Variants in ADAM9 observed in about 807,000 individuals in gnomAD.
ADAM9 encodes the protein disintegrin and metalloproteinase domain-containing protein 9.
In ADAM9, 54 loss-of-function variants were observed where a neutral mutation model predicts 108.1. The observed-to-expected ratio is 0.50, with a 90% confidence interval of 0.40 to 0.63. The LOEUF (loss-of-function observed/expected upper bound fraction) is 0.63, where lower values mean the gene tolerates loss of function less well. Ranked by LOEUF, ADAM9 falls within the 20% of genes least tolerant of loss-of-function variation. The pLI, the probability that ADAM9 is intolerant of heterozygous loss-of-function variation, is 0.00. For missense variants in ADAM9, 830 were observed against 997.7 expected, an observed-to-expected ratio of 0.83 and a Z score of 2.26; for synonymous variants, 316 against 336.0, an observed-to-expected ratio of 0.94 and a Z score of 0.65.
intron 11 of ADAM9, among the ~76,000 whole-genome samples, chr8:39,035,160 T>G (rs138431788): frequency 1.3e-5 from 2 of 152,348 alleles, no homozygotes; most frequent in African/African-American, 4.8e-5. Context: ...TTCTTCTGTG[T>G]AATTTCTTCT....
intron 11 of ADAM9, among the ~76,000 whole-genome samples, chr8:39,036,418 G>C (rs1353044503): frequency 1.3e-5 from 2 of 152,034 alleles, no homozygotes; most frequent in African/African-American, 4.8e-5. Context: ...GGTGAAAATT[G>C]TGTTCTGGGA....
chr8:39,037,762 A>G (rs1837332727), intron 11 of ADAM9, among the ~76,000 whole-genome samples: 1 of 152,228 alleles, frequency 6.6e-6, no homozygotes, highest in Admixed American at 6.5e-5. Context: ...TGCTTACCAC[A>G]TAAAGATCAA....
At chr8:39,101,035 T>C (rs1839679367) in intron 20 of ADAM9, among the ~76,000 whole-genome samples, 1 of 152,238 alleles carries the variant, frequency 6.6e-6, no homozygotes, top group African/African-American at 2.4e-5. Flanking sequence ...AGATACTGTA[T>C]AGGTTTGGCA....
Position 39,097,150 on chromosome 8 carries a change from T to TA in ADAM9, c.2299-4712dup, listed in dbSNP as rs1371961649. Among the ~76,000 whole-genome samples, 13 of 152,314 alleles carry TA rather than the reference T, an allele frequency of 8.5e-5. No individual in the cohort carries two copies. In the East Asian group the frequency reaches 1.2e-3, roughly 14 times the overall value. On this transcript the variant is annotated intron_variant, in intron 20 of 21. Coordinates refer to ENST00000487273, the MANE Select transcript of ADAM9 (RefSeq NM_003816.3). ...AGCCTTGTTTTGTACAAGGAGGACTTACGCTACTCAGCCTGGCTAGAGATT... is the reference window on the plus strand; with the variant it reads ...AGCCTTGTTTTGTACAAGGAGGACTTAACGCTACTCAGCCTGGCTAGAGATT...
intron 4 of ADAM9, chr8:39,015,375 A>G (rs1836493653): frequency 6.6e-6 from 1 of 152,186 alleles, no homozygotes; most frequent in Non-Finnish European, 1.5e-5. Flanking sequence ...CCAAAAATTG[A>G]TTTAATTATA....
chr8:39,078,610 C>T (rs780835173), intron 16 of ADAM9, among the ~76,000 whole-genome samples: 17 of 152,028 alleles, frequency 1.1e-4, no homozygotes, highest in Non-Finnish European at 1.5e-4. Flanking sequence ...GGTGAAACCT[C>T]GTCTCTACAG....
intron 14 of ADAM9, among the ~76,000 whole-genome samples, chr8:39,067,490 A>G (rs1283332488): frequency 6.6e-6 from 1 of 152,068 alleles, no homozygotes; most frequent in Non-Finnish European, 1.5e-5. Context: ...TTGGATTCCT[A>G]GGTATTTTAT....
At chr8:39,059,299 A>T (rs1380066028) in intron 14 of ADAM9, among the ~76,000 whole-genome samples, 1 of 152,216 alleles carries the variant, frequency 6.6e-6, no homozygotes, top group African/African-American at 2.4e-5. Context: ...TTCTTTCATC[A>T]TGGAAAGGGA....
intron 1 of ADAM9, 22 bp downstream of exon 1, chr8:38,997,182 C>G (rs1273214274): frequency 6.3e-7 from 1 of 1,590,988 alleles, no homozygotes; most frequent in African/African-American, 1.3e-5. Context: ...CGCCCCGGGT[C>G]GGTTGGGACG....
chr8:39,090,215 C>T, intron 19 of ADAM9, 27 bp downstream of exon 19: 3 of 1,559,620 alleles, frequency 1.9e-6, no homozygotes, highest in Non-Finnish European at 1.8e-6. Flanking sequence ...CTTTTAATTC[C>T]TATATTAAAT....
intron 7 of ADAM9, among the ~76,000 whole-genome samples, chr8:39,019,476 A>AT (rs1836662899): frequency 6.6e-6 from 1 of 152,218 alleles, no homozygotes; most frequent in Non-Finnish European, 1.5e-5. Context: ...ATGTGTCCCT[A>AT]TTTTGGCATT....
intron 3 of ADAM9, among the ~76,000 whole-genome samples, chr8:39,013,399 A>C (rs772849946): frequency 1.3e-5 from 2 of 151,676 alleles, no homozygotes; most frequent in Non-Finnish European, 2.9e-5. Context: ...TGGAACTAGC[A>C]TTTTAAGACC....
Position 39,042,042 on chromosome 8 carries a change from T to TG in ADAM9, c.1228dup (p.Glu410GlyfsTer4), listed in dbSNP as rs1165951697. The stretch of plus-strand genomic sequence containing the variant: ...GCCTTCTTAATATTCCAAAGCCTGA[T>TG]GAAGCCTATAGTGCTCCCTCCTGTG... On this transcript the variant is annotated frameshift_variant, in exon 12 of 22. Transcript: ENST00000487273. LOFTEE classifies it high-confidence loss of function. 6.2e-7 allele frequency: 1 copy of TG among 1,614,050 alleles called. No individual in the cohort carries two copies. Among genetic ancestry groups the TG allele is most frequent in the Non-Finnish European group, 8.5e-7 (1 of 1,179,976 alleles).
intron 8 of ADAM9, among the ~76,000 whole-genome samples, chr8:39,022,097 T>TGTGTGTGAGA (rs1356591377): frequency 3.4e-4 from 47 of 136,274 alleles, no homozygotes; most frequent in African/African-American, 1.4e-3. Flanking sequence ...TGTGTGTGTG[T>TGTGTGTGAGA]GAGAGAGAGA....
chr8:39,040,020 ACT>A (rs1564287389), intron 11 of ADAM9, among the ~76,000 whole-genome samples: 1 of 151,390 alleles, frequency 6.6e-6, no homozygotes. Context: ...TTTTTTCTAT[ACT>A]CTCACTAGCA....
chr8:39,031,079 T>C (rs1837081205), intron 11 of ADAM9, among the ~76,000 whole-genome samples: 1 of 152,222 alleles, frequency 6.6e-6, no homozygotes, highest in African/African-American at 2.4e-5. Flanking sequence ...ACATTTAATA[T>C]TTTAATTCTT....
chr8:39,038,960 G>GA (rs575290406), intron 11 of ADAM9, among the ~76,000 whole-genome samples: 1 of 150,832 alleles, frequency 6.6e-6, no homozygotes, highest in Non-Finnish European at 1.5e-5. Flanking sequence ...TACTTTTTTT[G>GA]TTTTTTTTGG....
chr8:39,077,403 G>A lies in ADAM9; in HGVS notation c.1873G>A (p.Ala625Thr). Residue 625 changes from alanine to threonine, a missense_variant, in exon 16 of 22, where the codon GCT (alanine) becomes ACT (threonine). Physicochemically the swap from Ala to Thr is moderately conservative, Grantham distance 58 (BLOSUM62 0). Around this residue, in one of 3 missense-constraint regions of ADAM9, gnomAD observed 238 missense variants for 235.7 expected, o/e 1.01. Coordinates refer to ENST00000487273, the MANE Select transcript of ADAM9 (RefSeq NM_003816.3). The part of the protein sequence containing the change: ...GMVNEGTKCG[A>T]GKICRNFQCV... Reference sequence around the variant, plus strand: ...GGTTAACGAAGGCACAAAATGTGGTGCTGGAAAGGTAATCAAAATATTTTT... The same window carrying A: ...GGTTAACGAAGGCACAAAATGTGGTACTGGAAAGGTAATCAAAATATTTTT... The A allele has an allele frequency of 1.2e-6, 2 of 1,609,180 alleles. No individual in the cohort carries two copies. Among genetic ancestry groups the A allele is most frequent in the Non-Finnish European group, 8.5e-7 (1 of 1,177,722 alleles).
intron 11 of ADAM9, among the ~76,000 whole-genome samples, chr8:39,039,099 C>CA (rs937934973): frequency 5.3e-5 from 8 of 151,922 alleles, no homozygotes; most frequent in Non-Finnish European, 8.8e-5. Flanking sequence ...CTACTCAGGG[C>CA]AAAAAATATG....
Sources: gnomAD v4.1 joint callset for allele counts (sites outside exome capture counted in the v4.1 genomes callset) on GRCh38, gnomAD v4.1.1 for gene constraint, gnomAD v4.1.1 regional missense constraint, MANE v1.5 for transcripts, NCBI Gene and HGNC (gene_info 2026-07-23, HGNC 2026-07-21) for gene names.